Variants in TTN observed in about 807,000 individuals in gnomAD.
TTN encodes connectin.
A neutral mutation model predicts 3,223.0 loss-of-function variants in TTN; 1,525 were observed. The ratio of observed to expected loss-of-function variants is 0.47; its 90% CI spans 0.45 to 0.49. The LOEUF (loss-of-function observed/expected upper bound fraction) is 0.49, where lower values mean the gene tolerates loss of function less well. TTN is among the 20% of genes least tolerant of loss of function. TTN has a pLI of 0.00. For missense variants in TTN, 40,786 were observed against 43,424.0 expected (o/e 0.94, Z 5.40); for synonymous variants, 14,094 against 15,161.0 (o/e 0.93, Z 5.17).
rs2077674998 is a variant in TTN, at chr2:178,717,531, A to G, written c.25343T>C (p.Ile8448Thr). 6.2e-7 allele frequency: 1 copy of G among 1,600,644 alleles called. No individual in the cohort carries two copies. Among genetic ancestry groups the G allele is most frequent in the African/African-American group, 1.3e-5 (1 of 74,412 alleles). The change falls in exon 87 of 363, where the codon ATT becomes ACT. Residue 8448 changes from isoleucine to threonine, a missense_variant. Coordinates refer to ENST00000589042, the MANE Select transcript of TTN (RefSeq NM_001267550.2). ...LGTASSSAKL[I>T]LSEHEVPPFF... ...TACTGTGAGTTACTCACCTGAGAGA[A>G]TGAGCTTGGCACTGGATGAAGCAGT... is the stretch of plus-strand genomic sequence containing the variant.
chr2:178,595,285 GAA>G (rs71023449), intron 295 of TTN, among the ~76,000 whole-genome samples: 2 of 141,462 alleles, frequency 1.4e-5, no homozygotes, highest in African/African-American at 5.2e-5. Context: ...AAACCAAAAA[GAA>G]AAAAAAAAAC....
rs1312859517 is a variant in TTN, at chr2:178,712,405, T to C, written c.27517A>G (p.Ser9173Gly). Residue 9173 changes from serine to glycine, a missense_variant, in exon 95 of 363, where the codon AGT (serine) becomes GGT (glycine). Coordinates refer to ENST00000589042, the MANE Select transcript of TTN (RefSeq NM_001267550.2). Reference protein sequence around the residue: ...TEKSAILEIPSSTVEDAGQYN... With the variant: ...TEKSAILEIPGSTVEDAGQYN... ...TGTCCTGCATCCTCTACTGTGCTAC[T>C]TGGAATTTCCAGGATTGCCGATTTT... 27 of 1,613,858 alleles carry C rather than the reference T, an allele frequency of 1.7e-5. No homozygotes were observed. The highest frequency in any genetic ancestry group is 2.2e-5 in the Non-Finnish European group (26 of 1,179,826).
In TTN at chr2:178,764,147, G is replaced by T. The variant is rs751973258; in HGVS notation, c.10114+30C>A. 4 of 1,613,856 alleles carry T rather than the reference G, an allele frequency of 2.5e-6. No individual in the cohort carries two copies. In the East Asian group the frequency reaches 8.9e-5, roughly 36 times the overall value. Reference sequence around the variant, plus strand: ...TCCCATGTAATTATTTGTAAGTATTGGCAATGACACCTTTTGTTCTTAAAC... The same window carrying T: ...TCCCATGTAATTATTTGTAAGTATTTGCAATGACACCTTTTGTTCTTAAAC... On this transcript the variant is annotated intron_variant, in intron 43 of 362. Transcript: ENST00000589042.
intron 15 of TTN, among the ~76,000 whole-genome samples, chr2:178,785,001 A>G (rs1416673097): frequency 6.6e-6 from 1 of 152,162 alleles, no homozygotes; most frequent in Admixed American, 6.5e-5. Flanking sequence ...AATATCAAGG[A>G]TTTATTACAT....
In TTN at chr2:178,574,852, G is replaced by A; in HGVS notation, c.71280C>T (p.Ser23760=). The change falls in exon 326 of 363, where the codon AGC becomes AGT. Residue 23760 remains serine (S), a synonymous_variant. Transcript: ENST00000589042. ...PPENDGGVPI[S]NYVVEMRQTD... ...TCTGCCGCATTTCCACTACATAGTTGCTTATTGGTACACCACCATCGTTCT... is the reference window on the plus strand; with the variant it reads ...TCTGCCGCATTTCCACTACATAGTTACTTATTGGTACACCACCATCGTTCT... The A allele has an allele frequency of 1.2e-6, 2 of 1,613,074 alleles. No individual in the cohort carries two copies. Among genetic ancestry groups the A allele is most frequent in the Non-Finnish European group, 1.7e-6 (2 of 1,179,548 alleles).
Position 178,790,845 on chromosome 2 carries a change from T to A in TTN, c.1663A>T (p.Ile555Leu). The change falls in exon 11 of 363, where the codon ATA becomes TTA. Residue 555 changes from isoleucine to leucine, a missense_variant and splice_region_variant. Coordinates refer to ENST00000589042, the MANE Select transcript of TTN (RefSeq NM_001267550.2). ...KKQKQVTQEA[I>L]RQETEITAAS... ...GCAGTTATCTCAGTTTCCTGTCTTA[T>A]CTGATGTTTAGAGTAAAATAAAGAT... is the stretch of plus-strand genomic sequence containing the variant. The A allele has an allele frequency of 6.2e-7, 1 of 1,614,084 alleles. No homozygotes were observed. Among genetic ancestry groups the A allele is most frequent in the Non-Finnish European group, 8.5e-7 (1 of 1,179,974 alleles).
Position 178,729,569 on chromosome 2 carries a change from A to G in TTN, c.18590-3T>C. ...CTCTCTGATAAAGGTGGGGGGTTCT[A>G]AAGATTCAAAAGGAAGACAGTAGCT... is the stretch of plus-strand genomic sequence containing the variant. On this transcript the variant is annotated splice_region_variant and splice_polypyrimidine_tract_variant and intron_variant, in intron 63 of 362. Coordinates refer to ENST00000589042, the MANE Select transcript of TTN (RefSeq NM_001267550.2). 3 of 1,612,054 alleles carry G rather than the reference A, an allele frequency of 1.9e-6. No individual in the cohort carries two copies. Among genetic ancestry groups the G allele is most frequent in the Non-Finnish European group, 2.5e-6 (3 of 1,178,898 alleles).
chr2:178,761,133 T>C (rs992900493), intron 43 of TTN: 4 of 151,936 alleles, frequency 2.6e-5, no homozygotes, highest in Admixed American at 2.0e-4. Context: ...TCTCCCATAT[T>C]ACTACTTCTG....
At position 178,751,331 on chromosome 2, in the gene TTN, C is replaced by T. The variant is rs1188382251; in HGVS notation, c.11311+1793G>A. ...GGTCTCCTTGTCCAGGAAACTTTCA[C>T]CTACATTAAGCCAACCTCTTATGTC... On this transcript the variant is annotated intron_variant, in intron 47 of 362. Transcript: ENST00000589042. The T allele has an allele frequency of 2.5e-6, 4 of 1,610,102 alleles. 1 individual carries two copies. The South Asian group carries it at 4.4e-5, about 18-fold the overall frequency.
In TTN at chr2:178,712,802, C is replaced by T. The variant is rs1560584120; in HGVS notation, c.27223G>A (p.Glu9075Lys). ...CNVSLEDSVA[E>K]LELFDVDTSQ... ...GTATCTACATCGAACAACTCCAGTT[C>T]AGCAACTGAATCCTCCAAAGACACG... The change falls in exon 94 of 363, where the codon GAA becomes AAA. Residue 9075 changes from glutamate to lysine, a missense_variant. Glu to Lys is a moderately conservative substitution (Grantham distance 56). Coordinates refer to ENST00000589042, the MANE Select transcript of TTN (RefSeq NM_001267550.2). 1.2e-6 allele frequency: 2 copies of T among 1,613,800 alleles called. No homozygotes were observed. The highest frequency in any genetic ancestry group is 1.7e-6 in the Non-Finnish European group (2 of 1,179,784).
Position 178,582,131 on chromosome 2 carries a change from C to T in TTN, c.66238G>A (p.Ala22080Thr). 2 of 1,612,748 alleles carry T rather than the reference C, an allele frequency of 1.2e-6. No individual in the cohort carries two copies. Among genetic ancestry groups the T allele is most frequent in the Non-Finnish European group, 1.7e-6 (2 of 1,179,516 alleles). Reference sequence around the variant, plus strand: ...GTGATGGGTGAGCCCCCATCATCTGCTGGTGGCTTCCAGCTGACTGTCATG... The same window carrying T: ...GTGATGGGTGAGCCCCCATCATCTGTTGGTGGCTTCCAGCTGACTGTCATG... ...DHMTVSWKPP[A>T]DDGGSPITGY... Residue 22080 changes from alanine (A) to threonine (T), a missense_variant, in exon 315 of 363, where the codon GCA becomes ACA. Coordinates refer to ENST00000589042, the MANE Select transcript of TTN (RefSeq NM_001267550.2).
chr2:178,745,386 C>A, intron 47 of TTN: 1 of 1,415,286 alleles, frequency 7.1e-7, no homozygotes, highest in African/African-American at 1.4e-5. Context: ...GTGATGATTC[C>A]ACAGTTCAGA....
At chr2:178,622,367 G>C (rs1419963661) in intron 243 of TTN, among the ~76,000 whole-genome samples, 1 of 151,860 alleles carries the variant, frequency 6.6e-6, no homozygotes, top group African/African-American at 2.4e-5. Context: ...GAGGTACTTA[G>C]TTGAAAGAAA....
In TTN at chr2:178,610,147, C is replaced by G. The variant is rs397517603; in HGVS notation, c.51379G>C (p.Val17127Leu). 6.8e-6 allele frequency: 11 copies of G among 1,612,856 alleles called. No individual in the cohort carries two copies. In the East Asian group the frequency reaches 2.5e-4, roughly 36 times the overall value. ...YFFRVKAVNKVGGGEYIELKN... is the reference protein window; with the variant it reads ...YFFRVKAVNKLGGGEYIELKN... ...AGTTCAATATATTCTCCTCCACCAA[C>G]CTTGTTGACTGCTTTAACACGGAAG... The change falls in exon 271 of 363, where the codon GTT (valine) becomes CTT (leucine). Residue 17127 changes from valine to leucine, a missense_variant. Val to Leu is a conservative substitution (Grantham distance 32, BLOSUM62 1). Coordinates refer to ENST00000589042, the MANE Select transcript of TTN (RefSeq NM_001267550.2).
Position 178,779,027 on chromosome 2 carries a change from G to A in TTN, c.4055C>T (p.Pro1352Leu), listed in dbSNP as rs756380712. The change falls in exon 24 of 363, where the codon CCT (proline) becomes CTT (leucine). Residue 1352 changes from proline (P) to leucine (L), a missense_variant. Coordinates refer to ENST00000589042, the MANE Select transcript of TTN (RefSeq NM_001267550.2). ...TCCTTCATCTTCTGGAAGAACAACA[G>A]GTATACGCAGACTAGCTCTGCCATC... ...LQDGRASLRIPVVLPEDEGIY... is the reference protein window; with the variant it reads ...LQDGRASLRILVVLPEDEGIY... The A allele has an allele frequency of 6.2e-7, 1 of 1,613,074 alleles. No homozygotes were observed. Among genetic ancestry groups the A allele is most frequent in the Non-Finnish European group, 8.5e-7 (1 of 1,179,640 alleles).
Position 178,704,726 on chromosome 2 carries a change from C to T in TTN, c.29746G>A (p.Asp9916Asn). 6.2e-7 allele frequency: 1 copy of T among 1,610,942 alleles called. No individual in the cohort carries two copies. Reference sequence around the variant, plus strand: ...TTAATGTCAATTTCAAAGACAGCATCATTATCTTTCAAAACTGTCTGATTT... The same window carrying T: ...TTAATGTCAATTTCAAAGACAGCATTATTATCTTTCAAAACTGTCTGATTT... ...IENQTVLKDN[D>N]AVFEIDIKIN... The change falls in exon 105 of 363, where the codon GAT becomes AAT. Residue 9916 changes from aspartate (D) to asparagine (N), a missense_variant. Transcript: ENST00000589042.
Position 178,552,929 on chromosome 2 carries a change from A to T in TTN, c.89971T>A (p.Ser29991Thr), listed in dbSNP as rs777975852. The T allele has an allele frequency of 6.2e-7, 1 of 1,613,630 alleles. No individual in the cohort carries two copies. The highest frequency in any genetic ancestry group is 8.5e-7 in the Non-Finnish European group (1 of 1,179,794). ...SVVSHKCSST[S>T]FKLIDLSEKT... ...TCCGACAAATCTATTAGCTTGAAGG[A>T]TGTGCTAGAACATTTGTGTGACACG... is the stretch of plus-strand genomic sequence containing the variant. The change falls in exon 335 of 363, where the codon TCC (serine) becomes ACC (threonine). Residue 29991 changes from serine to threonine, a missense_variant. Physicochemically the swap from Ser to Thr is moderately conservative, Grantham distance 58. Coordinates refer to ENST00000589042, the MANE Select transcript of TTN (RefSeq NM_001267550.2).
rs748548136 is a variant in TTN, at chr2:178,620,111, A to G, written c.46306T>C (p.Tyr15436His). 5.6e-6 allele frequency: 9 copies of G among 1,608,706 alleles called. No homozygotes were observed. The African/African-American group carries it at 1.1e-4, about 19-fold the overall frequency. The change falls in exon 249 of 363, where the codon TAC becomes CAC. Residue 15436 changes from tyrosine to histidine, a missense_variant and splice_region_variant. Coordinates refer to ENST00000589042, the MANE Select transcript of TTN (RefSeq NM_001267550.2). The part of the protein sequence containing the change: ...NGREIKEGKK[Y>H]KFEKDGSIHR... ...ATACTTCCATCTTTTTCAAATTTGTATCTAAAGGAGACATTGGATTATCAG... is the reference window on the plus strand; with the variant it reads ...ATACTTCCATCTTTTTCAAATTTGTGTCTAAAGGAGACATTGGATTATCAG...
At chr2:178,722,195 T>C in intron 77 of TTN, 61 bp from the exon 78 acceptor site, 1 of 1,530,028 alleles carries the variant, frequency 6.5e-7, no homozygotes, top group Non-Finnish European at 8.8e-7. Flanking sequence ...ATTGGTCGTT[T>C]CTACTTTGAC....
Sources: allele counts gnomAD v4.1 joint callset (sites outside exome capture counted in the v4.1 genomes callset), GRCh38; gene constraint gnomAD v4.1.1; transcripts MANE v1.5; gene names NCBI Gene and HGNC (gene_info 2026-07-23, HGNC 2026-07-21).